Variants in CPQ observed in about 807,000 individuals in gnomAD.
CPQ encodes Ser-Met dipeptidase.
A neutral mutation model predicts 45.7 loss-of-function variants in CPQ; 37 were observed. The ratio of observed to expected loss-of-function variants is 0.81; its 90% CI spans 0.62 to 1.07. The LOEUF (loss-of-function observed/expected upper bound fraction) is 1.07, where lower values mean the gene tolerates loss of function less well. Among genes scored for constraint, CPQ ranks in the 50% least tolerant of loss-of-function variants. The probability of loss-of-function intolerance (pLI) is 0.00; values close to 1 mark genes in which losing one functional copy is unlikely to be tolerated. For synonymous variants in CPQ, 186 were observed against 205.8 expected (o/e 0.90, Z 0.82); for missense variants, 537 against 572.9 (o/e 0.94, Z 0.64).
At chr8:96,970,881 A>C (rs2130371650) in intron 5 of CPQ, among the ~76,000 whole-genome samples, 1 of 152,248 alleles carries the variant, frequency 6.6e-6, no homozygotes, top group Admixed American at 6.5e-5. Context: ...GTACTTTATA[A>C]TATTGTTTTA....
rs187772568 is a variant in CPQ, at chr8:97,105,037, G to A, written c.1256-37983G>A. On this transcript the variant is annotated intron_variant, in intron 7 of 7. Coordinates refer to ENST00000220763, the MANE Select transcript of CPQ (RefSeq NM_016134.4). ...TATGTTAATTAGCAAAGCATTGCTT[G>A]TGGGTTGAGATACAGGTAACAAAAA... Among the ~76,000 whole-genome samples the A allele has an allele frequency of 1.6e-3, 251 of 152,324 alleles. 3 individuals carry two copies. Among genetic ancestry groups the A allele is most frequent in the Admixed American group, 0.013 (194 of 15,290 alleles).
chr8:97,049,803 A>G (rs939876970), intron 6 of CPQ, among the ~76,000 whole-genome samples: 3 of 152,188 alleles, frequency 2.0e-5, no homozygotes, highest in African/African-American at 7.2e-5. Context: ...GAGTCTGCAG[A>G]TGTCTCTGAA....
intron 7 of CPQ, among the ~76,000 whole-genome samples, chr8:97,073,485 G>T (rs975286628): frequency 1.3e-5 from 2 of 152,214 alleles, no homozygotes. Flanking sequence ...AGTGATGTTT[G>T]AAGGGATTGA....
chr8:97,130,428 T>G (rs1371015633), intron 7 of CPQ, among the ~76,000 whole-genome samples: 22 of 151,298 alleles, frequency 1.5e-4, no homozygotes, highest in Middle Eastern at 3.4e-3. Context: ...CTGTTTTTTT[T>G]TTTTTTTTTT....
chr8:96,665,620 A>G (rs1808910781), intron 1 of CPQ, among the ~76,000 whole-genome samples: 1 of 152,208 alleles, frequency 6.6e-6, no homozygotes, highest in Non-Finnish European at 1.5e-5. Flanking sequence ...AAACCAAATG[A>G]GAGAATTTGT....
chr8:97,039,605 G>A (rs1164783881), intron 6 of CPQ, among the ~76,000 whole-genome samples: 7 of 151,750 alleles, frequency 4.6e-5, no homozygotes, highest in Non-Finnish European at 8.8e-5. Flanking sequence ...TTAGCATTAG[G>A]TATATCTCCT....
chr8:97,003,848 C>G (rs1809331311), intron 5 of CPQ, among the ~76,000 whole-genome samples: 1 of 152,130 alleles, frequency 6.6e-6, no homozygotes. Context: ...CTGCTAAGTA[C>G]TACTATACGT....
At chr8:97,071,004 T>TA (rs1443914688) in intron 7 of CPQ, among the ~76,000 whole-genome samples, 3 of 152,174 alleles carry the variant, frequency 2.0e-5, no homozygotes, top group Admixed American at 2.0e-4. Flanking sequence ...GAAAGAAAAT[T>TA]AAATACCCTC....
chr8:97,099,582 T>C (rs1232977746), intron 7 of CPQ, among the ~76,000 whole-genome samples: 1 of 151,948 alleles, frequency 6.6e-6, no homozygotes, highest in Non-Finnish European at 1.5e-5. Flanking sequence ...TGGTTTCTCC[T>C]AGTGCTAAAT....
intron 6 of CPQ, among the ~76,000 whole-genome samples, chr8:97,056,128 ACAC>A (rs1810452939): frequency 6.6e-6 from 1 of 152,088 alleles, no homozygotes; most frequent in African/African-American, 2.4e-5. Flanking sequence ...ACACACACAC[ACAC>A]AAATTGTGTT....
chr8:96,693,136 C>T (rs746322923), intron 1 of CPQ, among the ~76,000 whole-genome samples: 34 of 151,440 alleles, frequency 2.2e-4, no homozygotes, highest in Admixed American at 1.6e-3. Context: ...TTTGAAAATA[C>T]GCAAAGTAGA....
chr8:97,035,871 C>G (rs1000120040), intron 6 of CPQ, among the ~76,000 whole-genome samples: 1 of 152,078 alleles, frequency 6.6e-6, no homozygotes, highest in Non-Finnish European at 1.5e-5. Flanking sequence ...CCACACCCGG[C>G]TAATTTTTTG....
At chr8:96,683,663 T>C (rs1809182544) in intron 1 of CPQ, among the ~76,000 whole-genome samples, 3 of 152,018 alleles carry the variant, frequency 2.0e-5, no homozygotes, top group Admixed American at 2.0e-4. Flanking sequence ...AGAATTAGAA[T>C]TTTTTTCTTT....
intron 4 of CPQ, among the ~76,000 whole-genome samples, chr8:96,891,540 G>A (rs1812377139): frequency 6.6e-6 from 1 of 152,126 alleles, no homozygotes; most frequent in African/African-American, 2.4e-5. Context: ...CAATGACAGG[G>A]GTGGCTGGGG....
intron 1 of CPQ, among the ~76,000 whole-genome samples, chr8:96,688,003 T>G (rs528873892): frequency 1.3e-5 from 2 of 152,218 alleles, no homozygotes; most frequent in African/African-American, 4.8e-5. Flanking sequence ...AAAAAAATTT[T>G]TTTTTGCTTA....
chr8:96,923,809 G>GA (rs546657292), intron 4 of CPQ, among the ~76,000 whole-genome samples: 4 of 151,596 alleles, frequency 2.6e-5, no homozygotes, highest in Admixed American at 6.6e-5. Context: ...AGGAAAGGGG[G>GA]AAAAAAAACA....
chr8:97,084,149 G>A (rs770961159), intron 7 of CPQ, among the ~76,000 whole-genome samples: 11 of 152,098 alleles, frequency 7.2e-5, no homozygotes, highest in African/African-American at 2.7e-4. Flanking sequence ...AAGTTCAGAC[G>A]TGGATTTTAA....
At position 97,137,887 on chromosome 8, in the gene CPQ, CA is replaced by C. The variant is rs34317563; in HGVS notation, c.1256-5121del. Among the ~76,000 whole-genome samples, 286 of 141,532 alleles carry C rather than the reference CA, an allele frequency of 2.0e-3. 1 individual carries two copies. The highest frequency in any genetic ancestry group is 3.2e-3 in the African/African-American group (124 of 39,070). The allele number at this position is 141,532 out of a possible 152,430, so 92.9% of individuals were successfully genotyped here. On this transcript the variant is annotated intron_variant, in intron 7 of 7. Coordinates refer to ENST00000220763, the MANE Select transcript of CPQ (RefSeq NM_016134.4). ...CTGGGCGAAGAGCAAGACTCCGTCTCAAAAAAAAAAAAGGACTTCTGGCTTT... is the reference window on the plus strand; with the variant it reads ...CTGGGCGAAGAGCAAGACTCCGTCTCAAAAAAAAAAAGGACTTCTGGCTTT...
chr8:96,742,854 C>T (rs1201659612), intron 1 of CPQ, among the ~76,000 whole-genome samples: 2 of 152,180 alleles, frequency 1.3e-5, no homozygotes, highest in Non-Finnish European at 2.9e-5. Flanking sequence ...TGCTGTTAGT[C>T]TGATGGGCTT....
Sources: allele counts gnomAD v4.1 joint callset (sites outside exome capture counted in the v4.1 genomes callset), GRCh38; gene constraint gnomAD v4.1.1; transcripts MANE v1.5; gene names NCBI Gene and HGNC (gene_info 2026-07-23, HGNC 2026-07-21).